The following NXPH1 variants were observed in gnomAD, a reference collection of about 807,000 sequenced individuals.
The protein encoded by NXPH1 is neurexophilin 1.
In NXPH1, 5 loss-of-function variants were observed where a neutral mutation model predicts 23.7. That is an observed-to-expected ratio of 0.21 (90% CI 0.11 to 0.44). NXPH1 has a LOEUF of 0.44. Ranked by LOEUF, NXPH1 falls within the 20% of genes least tolerant of loss-of-function variation. The pLI is 0.99. For missense variants in NXPH1, 324 were observed against 321.6 expected (o/e 1.01, Z -0.06); for synonymous variants, 144 against 122.2 (o/e 1.18, Z -1.18).
chr7:8,549,184 T>G (rs1403593211), intron 2 of NXPH1, among the ~76,000 whole-genome samples: 4 of 151,526 alleles, frequency 2.6e-5, no homozygotes, highest in African/African-American at 9.7e-5. Context: ...GACCCTGGAT[T>G]TCATTACTGT....
chr7:8,671,434 A>G (rs1820868060), intron 2 of NXPH1, among the ~76,000 whole-genome samples: 1 of 152,216 alleles, frequency 6.6e-6, no homozygotes, highest in South Asian at 2.1e-4. Flanking sequence ...TAAAGAATGA[A>G]CATACTGATG....
chr7:8,667,125 TA>T (rs1460303896), intron 2 of NXPH1, among the ~76,000 whole-genome samples: 1 of 152,066 alleles, frequency 6.6e-6, no homozygotes, highest in African/African-American at 2.4e-5. Flanking sequence ...TGCCACAGTT[TA>T]ATTTTTTAAT....
chr7:8,537,476 G>A (rs1027030220), intron 2 of NXPH1, among the ~76,000 whole-genome samples: 6 of 151,850 alleles, frequency 4.0e-5, no homozygotes, highest in African/African-American at 1.4e-4. Flanking sequence ...CTGAGCAAAG[G>A]GGGAAAAGCC....
At chr7:8,598,011 A>AAAGC (rs1455077934) in intron 2 of NXPH1, among the ~76,000 whole-genome samples, 3 of 152,156 alleles carry the variant, frequency 2.0e-5, no homozygotes, top group Non-Finnish European at 4.4e-5. Context: ...TCTGCTATAG[A>AAAGC]AAGCAAATAG....
At chr7:8,477,720 A>G (rs950212038) in intron 2 of NXPH1, among the ~76,000 whole-genome samples, 10 of 152,118 alleles carry the variant, frequency 6.6e-5, no homozygotes, top group Non-Finnish European at 1.2e-4. Flanking sequence ...CATCAGGATC[A>G]CATAGATGAG....
intron 2 of NXPH1, among the ~76,000 whole-genome samples, chr7:8,640,967 A>C (rs970226225): frequency 1.3e-5 from 2 of 152,120 alleles, no homozygotes; most frequent in Non-Finnish European, 2.9e-5. Context: ...TAAATAAATA[A>C]AATTAAATAA....
intron 2 of NXPH1, among the ~76,000 whole-genome samples, chr7:8,679,239 G>T (rs530844289): frequency 7.2e-5 from 11 of 151,938 alleles, no homozygotes; most frequent in Non-Finnish European, 1.5e-4. Context: ...GAGCCACCGC[G>T]CCCAGCCTGC....
intron 2 of NXPH1, among the ~76,000 whole-genome samples, chr7:8,624,615 A>G (rs780509492): frequency 2.0e-5 from 3 of 152,138 alleles, no homozygotes; most frequent in Non-Finnish European, 4.4e-5. Context: ...CCCATGGTGA[A>G]CACACCATGC....
intron 2 of NXPH1, among the ~76,000 whole-genome samples, chr7:8,561,995 G>A (rs999686691): frequency 6.6e-6 from 1 of 151,664 alleles, no homozygotes; most frequent in South Asian, 2.1e-4. Flanking sequence ...GCATCCAAAT[G>A]AGAGTTACAG....
At chr7:8,471,356 C>T (rs114080845) in intron 2 of NXPH1, among the ~76,000 whole-genome samples, 3,326 of 152,080 alleles carry the variant, frequency 0.022, 129 homozygotes, top group African/African-American at 0.076. Flanking sequence ...CTGGGTCACA[C>T]GAATATCATT....
chr7:8,506,427 T>G (rs1342489018), intron 2 of NXPH1, among the ~76,000 whole-genome samples: 1 of 152,078 alleles, frequency 6.6e-6, no homozygotes, highest in Non-Finnish European at 1.5e-5. Flanking sequence ...CTTGTGAAGA[T>G]TAAGTGAGAA....
intron 2 of NXPH1, among the ~76,000 whole-genome samples, chr7:8,477,029 T>G (rs140991251): frequency 6.6e-6 from 1 of 152,286 alleles, no homozygotes; most frequent in Non-Finnish European, 1.5e-5. Context: ...TTCACGTTTT[T>G]GTGAGACTTG....
At chr7:8,555,816 T>G (rs1234332033) in intron 2 of NXPH1, among the ~76,000 whole-genome samples, 1 of 151,758 alleles carries the variant, frequency 6.6e-6, no homozygotes, top group East Asian at 2.0e-4. Context: ...GTGTCTACTT[T>G]ATATTTTTTA....
intron 2 of NXPH1, among the ~76,000 whole-genome samples, chr7:8,482,072 G>A (rs1012360937): frequency 6.6e-6 from 1 of 152,216 alleles, no homozygotes; most frequent in Non-Finnish European, 1.5e-5. Context: ...AGGCAAGTCC[G>A]TAGGCTGGGA....
chr7:8,481,097 T>C lies in NXPH1; in HGVS notation c.54+45330T>C, dbSNP rs188947325. ...GAACCACAGCAGCCTCTTTTGTGGATGTTGGTTGAGAGTTCTGAAGCTCAA... is the reference window on the plus strand; with the variant it reads ...GAACCACAGCAGCCTCTTTTGTGGACGTTGGTTGAGAGTTCTGAAGCTCAA... On this transcript the variant is annotated intron_variant, in intron 2 of 2. Transcript: ENST00000405863. Among the ~76,000 whole-genome samples the C allele has an allele frequency of 1.5e-3, 231 of 152,298 alleles. 1 individual carries two copies. The highest frequency in any genetic ancestry group is 5.2e-3 in the African/African-American group (216 of 41,570).
At chr7:8,589,820 A>G (rs991940715) in intron 2 of NXPH1, among the ~76,000 whole-genome samples, 2 of 152,088 alleles carry the variant, frequency 1.3e-5, no homozygotes, top group Non-Finnish European at 2.9e-5. Context: ...TCCAGTAGAT[A>G]GATAGCCACC....
chr7:8,682,745 A>AT (rs749907837), intron 2 of NXPH1, among the ~76,000 whole-genome samples: 6 of 152,236 alleles, frequency 3.9e-5, no homozygotes, highest in Non-Finnish European at 7.3e-5. Flanking sequence ...TCATTATAAC[A>AT]TTTTATAAAG....
At chr7:8,732,027 G>A (rs565846481) in intron 2 of NXPH1, among the ~76,000 whole-genome samples, 8 of 152,340 alleles carry the variant, frequency 5.3e-5, no homozygotes, top group South Asian at 2.1e-4. Context: ...AGCCAGGTGC[G>A]GGATATAATC....
chr7:8,491,417 G>T (rs1817246110), intron 2 of NXPH1, among the ~76,000 whole-genome samples: 1 of 152,024 alleles, frequency 6.6e-6, no homozygotes. Flanking sequence ...TGAAGGGCAT[G>T]AAGAAATGAA....
Sources: allele counts gnomAD v4.1 joint callset (sites outside exome capture counted in the v4.1 genomes callset), GRCh38; gene constraint gnomAD v4.1.1; transcripts MANE v1.5; gene names NCBI Gene and HGNC (gene_info 2026-07-23, HGNC 2026-07-21).